The following UVRAG variants were observed in gnomAD, a reference collection of about 807,000 sequenced individuals.
UVRAG encodes UV radiation resistance associated.
UVRAG carries 19 observed loss-of-function variants against 78.0 expected under a neutral mutation model. The ratio of observed to expected loss-of-function variants is 0.24; its 90% CI spans 0.17 to 0.36. The LOEUF (loss-of-function observed/expected upper bound fraction) is 0.36. Among genes scored for constraint, UVRAG ranks in the 10% least tolerant of loss-of-function variants. The pLI, the probability that UVRAG is intolerant of heterozygous loss-of-function variation, is 1.00. For missense variants in UVRAG, 740 were observed against 853.8 expected (o/e 0.87, Z 1.66); for synonymous variants, 323 against 324.6 (o/e 1.00, Z 0.05).
Position 75,960,271 on chromosome 11 carries a change from G to A in UVRAG, c.594-1173G>A, listed in dbSNP as rs1948885237. ...AATAAAGCAAAATGCAGTAAAGTGA[G>A]GTATGCCTACATACAGAAATATAAT... On this transcript the variant is annotated intron_variant, in intron 6 of 14. Transcript: ENST00000356136. Among the ~76,000 whole-genome samples, 3 of 151,010 alleles carry A rather than the reference G, an allele frequency of 2.0e-5. No individual in the cohort carries two copies. In the South Asian group the frequency reaches 6.3e-4, roughly 32 times the overall value.
At chr11:76,030,369 C>T (rs904659730) in intron 12 of UVRAG, among the ~76,000 whole-genome samples, 1 of 152,100 alleles carries the variant, frequency 6.6e-6, no homozygotes, top group Non-Finnish European at 1.5e-5. Context: ...TGGGACCAAA[C>T]CCACAATATA....
In UVRAG at chr11:76,091,374, C is replaced by T. The variant is rs547660224; in HGVS notation, c.1306-24550C>T. On this transcript the variant is annotated intron_variant, in intron 13 of 14. Transcript: ENST00000356136. ...TAAGTCTGTTTTTATCTGTTGTGCT[C>T]GGCACTCAATGGATCTTTTTAACCC... 4.0e-3 allele frequency among the ~76,000 whole-genome samples: 610 copies of T among 152,224 alleles called. 3 individuals are homozygous for T. Among genetic ancestry groups the T allele is most frequent in the African/African-American group, 0.013 (553 of 41,554 alleles).
intron 14 of UVRAG, chr11:76,137,618 G>A: frequency 2.7e-6 from 1 of 371,472 alleles, no homozygotes; most frequent in Non-Finnish European, 5.3e-6. Flanking sequence ...GACCATTTTG[G>A]CTGGGACCTG....
At chr11:76,079,772 G>A (rs1043985721) in intron 13 of UVRAG, among the ~76,000 whole-genome samples, 2 of 152,070 alleles carry the variant, frequency 1.3e-5, no homozygotes, top group African/African-American at 2.4e-5. Context: ...AGTTCATCTT[G>A]GGAACTCTAG....
chr11:76,140,217 A>G (rs767149567), intron 14 of UVRAG, among the ~76,000 whole-genome samples: 2 of 149,482 alleles, frequency 1.3e-5, no homozygotes, highest in Non-Finnish European at 3.0e-5. Flanking sequence ...GTTGTTGGTC[A>G]TGAAATCCTT....
chr11:76,010,583 G>A (rs546489784), intron 11 of UVRAG, among the ~76,000 whole-genome samples: 6 of 152,272 alleles, frequency 3.9e-5, no homozygotes, highest in African/African-American at 9.6e-5. Flanking sequence ...AAAACTCAGC[G>A]TTTGGGGAAT....
At chr11:75,989,053 T>A (rs188733600) in intron 8 of UVRAG, among the ~76,000 whole-genome samples, 1 of 152,230 alleles carries the variant, frequency 6.6e-6, no homozygotes, top group African/African-American at 2.4e-5. Context: ...TCATTTTTTT[T>A]AAACTTTATT....
At chr11:76,108,722 G>A (rs530373923) in intron 13 of UVRAG, among the ~76,000 whole-genome samples, 8 of 152,298 alleles carry the variant, frequency 5.3e-5, no homozygotes, top group African/African-American at 1.9e-4. Flanking sequence ...TGTTGCTTGG[G>A]TTTTCTTTCT....
intron 14 of UVRAG, among the ~76,000 whole-genome samples, chr11:76,123,967 T>C (rs558775870): frequency 6.6e-6 from 1 of 152,134 alleles, no homozygotes; most frequent in Non-Finnish European, 1.5e-5. Context: ...GGTTTCACCA[T>C]GTTGGCCAGG....
At chr11:76,073,983 C>G (rs1268431077) in intron 13 of UVRAG, among the ~76,000 whole-genome samples, 3 of 152,072 alleles carry the variant, frequency 2.0e-5, no homozygotes, top group African/African-American at 7.2e-5. Flanking sequence ...AACAGACTTG[C>G]AAAAATGTAA....
At chr11:75,998,581 G>A (rs1474657303) in intron 8 of UVRAG, among the ~76,000 whole-genome samples, 1 of 152,176 alleles carries the variant, frequency 6.6e-6, no homozygotes, top group African/African-American at 2.4e-5. Flanking sequence ...AGGATCTCAA[G>A]GCAACGAAGT....
At chr11:76,055,989 G>A (rs574449297) in intron 12 of UVRAG, among the ~76,000 whole-genome samples, 7 of 152,286 alleles carry the variant, frequency 4.6e-5, no homozygotes, top group East Asian at 1.9e-4. Flanking sequence ...GATTACAGGC[G>A]TGAGCCACTG....
At chr11:75,887,310 T>C (rs1156426932) in intron 4 of UVRAG, among the ~76,000 whole-genome samples, 1 of 150,758 alleles carries the variant, frequency 6.6e-6, no homozygotes, top group Non-Finnish European at 1.5e-5. Flanking sequence ...CATGCCCGGC[T>C]AAATTTTGTG....
chr11:76,009,963 A>G (rs1309955913), intron 11 of UVRAG, among the ~76,000 whole-genome samples: 1 of 144,734 alleles, frequency 6.9e-6, no homozygotes, highest in Admixed American at 6.6e-5. Flanking sequence ...TTTAATACTC[A>G]CAAAAACAAA....
intron 12 of UVRAG, among the ~76,000 whole-genome samples, chr11:76,038,317 A>G (rs1156716847): frequency 2.6e-5 from 4 of 152,152 alleles, no homozygotes; most frequent in African/African-American, 9.7e-5. Flanking sequence ...TCCATTCAGC[A>G]CCTGCTTCCT....
intron 6 of UVRAG, among the ~76,000 whole-genome samples, chr11:75,921,880 C>T (rs1013740163): frequency 3.2e-4 from 49 of 151,856 alleles, no homozygotes; most frequent in Non-Finnish European, 7.4e-5. Context: ...TTTCTGGATT[C>T]GCTCTTTTTT....
intron 5 of UVRAG, among the ~76,000 whole-genome samples, chr11:75,891,341 A>G (rs565203914): frequency 1.3e-5 from 2 of 152,308 alleles, no homozygotes; most frequent in African/African-American, 2.4e-5. Flanking sequence ...GCTGCTGTTC[A>G]TAATATCTCA....
intron 4 of UVRAG, among the ~76,000 whole-genome samples, chr11:75,882,805 T>A (rs1057011179): frequency 6.6e-6 from 1 of 152,210 alleles, no homozygotes; most frequent in Non-Finnish European, 1.5e-5. Context: ...ATATTTTTTT[T>A]ATTTTGTGTC....
intron 6 of UVRAG, 127 bp downstream of exon 6, chr11:75,912,166 C>A (rs1947754444): frequency 1.5e-6 from 1 of 652,550 alleles, no homozygotes; most frequent in South Asian, 2.0e-5. Flanking sequence ...TTTTTTAGTG[C>A]AAGCGTCATA....
Sources: gnomAD v4.1 joint callset for allele counts (sites outside exome capture counted in the v4.1 genomes callset) on GRCh38, gnomAD v4.1.1 for gene constraint, MANE v1.5 for transcripts, NCBI Gene and HGNC (gene_info 2026-07-23, HGNC 2026-07-21) for gene names.